The following NCAM2 variants were observed in gnomAD, a reference collection of about 807,000 sequenced individuals.
NCAM2 encodes N-CAM-2.
A neutral mutation model predicts 98.1 loss-of-function variants in NCAM2; 30 were observed. That is an observed-to-expected ratio of 0.31 (90% confidence interval 0.23 to 0.41). The LOEUF (loss-of-function observed/expected upper bound fraction) is 0.41. Ranked by LOEUF, NCAM2 falls within the 10% of genes least tolerant of loss-of-function variation. The probability of loss-of-function intolerance (pLI) is 1.00; values close to 1 mark genes in which losing one functional copy is unlikely to be tolerated. For missense variants in NCAM2, 867 were observed against 1,005.8 expected (o/e 0.86, Z 1.87); for synonymous variants, 368 against 342.4 (o/e 1.07, Z -0.83).
chr21:21,152,488 C>A (rs1293303887), intron 1 of NCAM2, among the ~76,000 whole-genome samples: 1 of 151,650 alleles, frequency 6.6e-6, no homozygotes, highest in Non-Finnish European at 1.5e-5. Context: ...AGTTTCTAGA[C>A]GTTGGTATTT....
intron 14 of NCAM2, among the ~76,000 whole-genome samples, chr21:21,474,890 T>TTG (rs1230841020): frequency 1.3e-5 from 2 of 151,894 alleles, no homozygotes; most frequent in Non-Finnish European, 1.5e-5. Flanking sequence ...TTGTGTGTGT[T>TTG]TGTGTGTGTA....
chr21:21,170,136 C>G (rs2068075512), intron 1 of NCAM2, among the ~76,000 whole-genome samples: 1 of 152,166 alleles, frequency 6.6e-6, no homozygotes, highest in South Asian at 2.1e-4. Context: ...ACAAGATGAA[C>G]ATTCATTCAT....
At chr21:21,117,313 C>T (rs1034448691) in intron 1 of NCAM2, among the ~76,000 whole-genome samples, 2 of 152,158 alleles carry the variant, frequency 1.3e-5, no homozygotes, top group African/African-American at 4.8e-5. Context: ...CATACACTAT[C>T]GGTATATTCA....
intron 1 of NCAM2, among the ~76,000 whole-genome samples, chr21:21,050,064 T>C (rs937684535): frequency 2.0e-5 from 3 of 152,144 alleles, no homozygotes; most frequent in African/African-American, 4.8e-5. Flanking sequence ...ATCAAATGAC[T>C]TCTCAAGTTG....
intron 5 of NCAM2, among the ~76,000 whole-genome samples, chr21:21,310,609 T>C (rs2074016705): frequency 6.6e-6 from 1 of 152,224 alleles, no homozygotes; most frequent in East Asian, 1.9e-4. Context: ...TGAATCTGAT[T>C]GTAACTGTTA....
intron 5 of NCAM2, among the ~76,000 whole-genome samples, chr21:21,304,096 G>A (rs2073809351): frequency 6.6e-6 from 1 of 151,868 alleles, no homozygotes. Context: ...CCTTTCAGTG[G>A]GTGAAAGATG....
chr21:21,338,369 A>AAT lies in NCAM2; in HGVS notation c.899-11_899-10dup, dbSNP rs780159388. 1.6e-5 allele frequency: 25 copies of AAT among 1,597,858 alleles called. No individual in the cohort carries two copies. In the East Asian group the frequency reaches 2.2e-4, roughly 14 times the overall value. Reference sequence around the variant, plus strand: ...TATTTTCCTCCAATACCGGTTGAGTAATATATATATTCTTTACAGTACAGC... The same window carrying AAT: ...TATTTTCCTCCAATACCGGTTGAGTAATATATATATATTCTTTACAGTACAGC... On this transcript the variant is annotated intron_variant, in intron 7 of 17. Transcript: ENST00000400546.
intron 1 of NCAM2, among the ~76,000 whole-genome samples, chr21:21,182,483 C>T (rs959607149): frequency 2.6e-5 from 4 of 152,152 alleles, no homozygotes; most frequent in Non-Finnish European, 5.9e-5. Context: ...TTACTCTGGT[C>T]TTAAGTTGCA....
intron 1 of NCAM2, among the ~76,000 whole-genome samples, chr21:20,998,886 CT>C (rs1226679199): frequency 6.6e-6 from 1 of 151,192 alleles, no homozygotes; most frequent in African/African-American, 2.4e-5. Context: ...TCTTCTTCTT[CT>C]TTTTTTTTCC....
intron 16 of NCAM2, among the ~76,000 whole-genome samples, chr21:21,523,028 ATTTGTTGTTG>A (rs1197738114): frequency 2.0e-5 from 3 of 151,636 alleles, no homozygotes; most frequent in African/African-American, 7.3e-5. Context: ...TGTTGTTGTT[ATTTGTTGTTG>A]TTTGTTGTTT....
In NCAM2 at chr21:21,294,331, T is replaced by C. The variant is rs1040229782; in HGVS notation, c.619+2090T>C. ...ATTTCAACTGGAATATTTAGTTTTA[T>C]ATTTCTATACTTATTTATTTCAGGA... On this transcript the variant is annotated intron_variant, in intron 5 of 17. Coordinates refer to ENST00000400546, the MANE Select transcript of NCAM2 (RefSeq NM_004540.5). 2.6e-5 allele frequency among the ~76,000 whole-genome samples: 4 copies of C among 152,016 alleles called. No homozygotes were observed. In the South Asian group the frequency reaches 6.2e-4, roughly 24 times the overall value.
Position 21,373,897 on chromosome 21 carries a change from A to G in NCAM2, c.1079A>G (p.His360Arg). ...LDGRIEVKGQHGSSSLHIKDV... is the reference protein window; with the variant it reads ...LDGRIEVKGQRGSSSLHIKDV... ...GGCCGTATCGAAGTCAAAGGGCAGC[A>G]TGGAAGCTCATCACTGCATATTAAA... The change falls in exon 9 of 18, where the codon CAT (histidine) becomes CGT (arginine). Residue 360 changes from histidine to arginine, a missense_variant. This residue lies in a region of NCAM2 where 447 missense variants were observed against 495.7 expected (regional missense o/e 0.90). Transcript: ENST00000400546. 1 of 1,610,276 alleles carries G rather than the reference A, an allele frequency of 6.2e-7. No homozygotes were observed. The highest frequency in any genetic ancestry group is 1.1e-5 in the South Asian group (1 of 90,890).
At chr21:21,046,877 A>AGGG (rs2065015145) in intron 1 of NCAM2, among the ~76,000 whole-genome samples, 1 of 152,228 alleles carries the variant, frequency 6.6e-6, no homozygotes, top group Non-Finnish European at 1.5e-5. Flanking sequence ...ACCAAACAAT[A>AGGG]ATAGCAAAAT....
intron 1 of NCAM2, among the ~76,000 whole-genome samples, chr21:21,042,093 CTATAAAGAA>C (rs2064918015): frequency 6.6e-6 from 1 of 152,278 alleles, no homozygotes; most frequent in South Asian, 2.1e-4. Context: ...ATTATACTAT[CTATAAAGAA>C]TATAAAGTTT....
At chr21:21,296,738 C>A (rs1201206838) in intron 5 of NCAM2, among the ~76,000 whole-genome samples, 1 of 151,560 alleles carries the variant, frequency 6.6e-6, no homozygotes. Flanking sequence ...GGAAGGCGTA[C>A]AATAAAACTA....
chr21:21,171,858 G>T (rs545498747), intron 1 of NCAM2, among the ~76,000 whole-genome samples: 1 of 151,628 alleles, frequency 6.6e-6, no homozygotes, highest in African/African-American at 2.4e-5. Flanking sequence ...TTTTTTTTTC[G>T]CTTGGTAGGT....
intron 8 of NCAM2, among the ~76,000 whole-genome samples, chr21:21,346,627 C>G (rs1240917820): frequency 1.3e-5 from 2 of 151,916 alleles, no homozygotes; most frequent in African/African-American, 4.8e-5. Flanking sequence ...ATATTATATA[C>G]TATGTTACAA....
At chr21:21,453,837 T>G (rs1271553495) in intron 12 of NCAM2, among the ~76,000 whole-genome samples, 1 of 152,138 alleles carries the variant, frequency 6.6e-6, no homozygotes, top group Non-Finnish European at 1.5e-5. Context: ...TGTATTATTC[T>G]TGAATTAGTC....
intron 12 of NCAM2, among the ~76,000 whole-genome samples, chr21:21,450,964 T>C (rs1422980679): frequency 6.6e-6 from 1 of 152,046 alleles, no homozygotes; most frequent in Non-Finnish European, 1.5e-5. Context: ...TAGGAATATA[T>C]ATATATATAG....
Sources: gnomAD v4.1 joint callset for allele counts (sites outside exome capture counted in the v4.1 genomes callset) on GRCh38, gnomAD v4.1.1 for gene constraint, gnomAD v4.1.1 regional missense constraint, MANE v1.5 for transcripts, NCBI Gene and HGNC (gene_info 2026-07-23, HGNC 2026-07-21) for gene names.